Variants in COPB2 observed in about 807,000 individuals in gnomAD.
The protein encoded by COPB2 is coatomer subunit beta'.
COPB2 carries 16 observed loss-of-function variants against 120.8 expected under a neutral mutation model. The ratio of observed to expected loss-of-function variants is 0.13; its 90% CI spans 0.09 to 0.20. The LOEUF is 0.20. COPB2 is among the 10% of genes least tolerant of loss of function. COPB2 has a pLI of 1.00. For synonymous variants in COPB2, 332 were observed against 366.3 expected (o/e 0.91, Z 1.07); for missense variants, 794 against 1,076.5 (o/e 0.74, Z 3.67).
intron 10 of COPB2, among the ~76,000 whole-genome samples, chr3:139,369,814 A>G (rs148247011): frequency 4.3e-4 from 65 of 152,354 alleles, no homozygotes; most frequent in African/African-American, 1.4e-3. Flanking sequence ...TGTCCACAAT[A>G]GGTGAATGAT....
At chr3:139,384,964 GAACCTCTAGTTCATAGAATTATCT>G (rs1249482319) in intron 1 of COPB2, 1 of 152,214 alleles carries the variant, frequency 6.6e-6, no homozygotes, top group Non-Finnish European at 1.5e-5. Flanking sequence ...CACATTTTGA[GAACCTCTAGTTCATAGAATTATCT>G]AGTAAATAAA....
chr3:139,378,781 T>C (rs942146829), intron 4 of COPB2, among the ~76,000 whole-genome samples: 7 of 152,232 alleles, frequency 4.6e-5, no homozygotes, highest in Non-Finnish European at 1.0e-4. Flanking sequence ...ATGACCTTTC[T>C]GTTCAGCAGA....
intron 17 of COPB2, among the ~76,000 whole-genome samples, chr3:139,359,904 C>T (rs966930500): frequency 6.6e-6 from 1 of 151,972 alleles, no homozygotes. Flanking sequence ...TATTACCTTA[C>T]ATCCTCAGCA....
chr3:139,371,502 G>C (rs1350392697), intron 10 of COPB2, among the ~76,000 whole-genome samples: 2 of 152,210 alleles, frequency 1.3e-5, no homozygotes, highest in South Asian at 4.1e-4. Context: ...TGGAATTATT[G>C]TATCAGCTTG....
Position 139,358,789 on chromosome 3 carries a change from C to G in COPB2, c.2508G>C (p.Met836Ile), listed in dbSNP as rs769310909. The G allele has an allele frequency of 3.7e-6, 6 of 1,612,826 alleles. No homozygotes were observed. The South Asian group carries it at 6.6e-5, about 18-fold the overall frequency. Residue 836 changes from methionine to isoleucine, a missense_variant, in exon 20 of 22, where the codon ATG becomes ATC. Around this residue, in one of 3 missense-constraint regions of COPB2, gnomAD observed 178 missense variants for 183.2 expected, o/e 0.97. Transcript: ENST00000333188. ...AGGGCTGAAAGTCTTTTCCCTCTTC[C>G]ATGACATTTCTCTCTTCATTTGGCT... ...LVTPNEERNV[M>I]EEGKDFQPSR... is the part of the protein sequence containing the mutation.
chr3:139,382,754 G>A (rs1388331749), intron 2 of COPB2: 2 of 167,316 alleles, frequency 1.2e-5, no homozygotes, highest in East Asian at 1.7e-4. Context: ...TGGAAAATAT[G>A]AGACAAACTA....
intron 1 of COPB2, 182 bp downstream of exon 1, chr3:139,389,366 G>T: frequency 1.0e-6 from 1 of 993,482 alleles, no homozygotes; most frequent in Non-Finnish European, 1.3e-6. Context: ...AAATCACCCC[G>T]GTCCCCTAGG....
chr3:139,382,955 T>C (rs987113189), intron 2 of COPB2: 2 of 231,666 alleles, frequency 8.6e-6, no homozygotes, highest in African/African-American at 4.6e-5. Context: ...TTTAACGATA[T>C]CATTCTTAAG....
intron 2 of COPB2, 197 bp from the exon 3 acceptor site, chr3:139,379,663 T>C (rs1941772576): frequency 5.6e-6 from 3 of 532,722 alleles, no homozygotes; most frequent in Non-Finnish European, 1.0e-5. Flanking sequence ...TAAAACACTT[T>C]TTAAAAGATA....
At chr3:139,364,936 GGAAGA>G (rs1941488215) in intron 15 of COPB2, among the ~76,000 whole-genome samples, 1 of 152,038 alleles carries the variant, frequency 6.6e-6, no homozygotes. Flanking sequence ...CCATATAGGG[GGAAGA>G]GAAAACTTCA....
chr3:139,389,409 G>A, intron 1 of COPB2, 139 bp downstream of exon 1: 3 of 911,476 alleles, frequency 3.3e-6, no homozygotes, highest in African/African-American at 5.8e-5. Flanking sequence ...GGAATCAAAC[G>A]ACCAAGACCC....
chr3:139,379,355 A>C, intron 3 of COPB2, 25 bp downstream of exon 3: 1 of 1,604,224 alleles, frequency 6.2e-7, no homozygotes, highest in African/African-American at 1.3e-5. Context: ...GAAAATGGGA[A>C]TAGAGATTCA....
At chr3:139,377,899 G>A in intron 5 of COPB2, 142 bp downstream of exon 5, 1 of 689,434 alleles carries the variant, frequency 1.5e-6, no homozygotes, top group Non-Finnish European at 2.1e-6. Flanking sequence ...GGATTAAAAT[G>A]AGAAATCCTA....
intron 16 of COPB2, among the ~76,000 whole-genome samples, chr3:139,361,842 T>C (rs1941424633): frequency 6.6e-6 from 1 of 152,192 alleles, no homozygotes; most frequent in Admixed American, 6.5e-5. Flanking sequence ...TATAAAAATA[T>C]CATTACAAAA....
chr3:139,370,224 C>A (rs1378728759), intron 10 of COPB2, among the ~76,000 whole-genome samples: 1 of 152,174 alleles, frequency 6.6e-6, no homozygotes, highest in African/African-American at 2.4e-5. Context: ...ACGTTCTAAG[C>A]CCCAATGGAT....
intron 16 of COPB2, 117 bp from the exon 17 acceptor site, chr3:139,361,412 G>T: frequency 9.9e-7 from 1 of 1,013,988 alleles, no homozygotes; most frequent in Non-Finnish European, 1.4e-6. Context: ...TTGTTAAGTT[G>T]GCTCTATCAA....
chr3:139,369,531 C>G lies in COPB2; in HGVS notation c.1219G>C (p.Glu407Gln). The part of the protein sequence containing the change: ...AHDSSEYAIR[E>Q]SNSIVKIFKN... ...AATATCTTTACAATGCTGTTGCTCT[C>G]TCTTATTGCATACCTGGGAGAAAAA... The change falls in exon 11 of 22, where the codon GAG (glutamate) becomes CAG (glutamine). Residue 407 changes from glutamate to glutamine, a missense_variant. Glu to Gln is a conservative substitution (Grantham distance 29, BLOSUM62 2). This residue lies in a region of COPB2 where 610 missense variants were observed against 866.7 expected (regional missense o/e 0.70). Transcript: ENST00000333188. 1.2e-6 allele frequency: 2 copies of G among 1,605,430 alleles called. No individual in the cohort carries two copies. Among genetic ancestry groups the G allele is most frequent in the Non-Finnish European group, 1.7e-6 (2 of 1,175,302 alleles).
intron 2 of COPB2, chr3:139,382,066 T>C (rs1233076391): frequency 1.3e-5 from 2 of 152,216 alleles, no homozygotes; most frequent in Non-Finnish European, 2.9e-5. Context: ...GGTAATGTTA[T>C]AGGTACTGAG....
chr3:139,378,209 CAAG>C lies in COPB2; in HGVS notation c.356-23_356-21del. The C allele has an allele frequency of 6.6e-7, 1 of 1,517,900 alleles. No homozygotes were observed. The highest frequency in any genetic ancestry group is 9.0e-7 in the Non-Finnish European group (1 of 1,113,684). The allele number at this position is 1,517,900 out of a possible 1,614,324, so 94.0% of individuals were successfully genotyped here. A position where few individuals can be genotyped will look rare whatever the true frequency, so the allele number is the denominator to read the frequency against. ...TGTCATCTAGGCCAAAAGAAAGTCT[CAAG>C]TTAGTTGTAATTCTATTTTTTCACT... On this transcript the variant is annotated intron_variant, in intron 4 of 21. Coordinates refer to ENST00000333188, the MANE Select transcript of COPB2 (RefSeq NM_004766.3).
Sources: allele counts gnomAD v4.1 joint callset (sites outside exome capture counted in the v4.1 genomes callset), GRCh38; gene constraint gnomAD v4.1.1; regional missense constraint gnomAD v4.1.1; transcripts MANE v1.5; gene names NCBI Gene and HGNC (gene_info 2026-07-23, HGNC 2026-07-21).